ROBO2: variants seen among roughly 807,000 people sequenced by gnomAD.
The protein encoded by ROBO2 is roundabout guidance receptor 2, also known as roundabout homolog 2.
ROBO2 carries 53 observed loss-of-function variants against 160.8 expected under a neutral mutation model. The ratio of observed to expected loss-of-function variants is 0.33; its 90% CI spans 0.26 to 0.41. The LOEUF (loss-of-function observed/expected upper bound fraction) is 0.41. ROBO2 is among the 10% of genes least tolerant of loss of function. ROBO2 has a pLI of 1.00. For synonymous variants in ROBO2, 664 were observed against 611.7 expected, an observed-to-expected ratio of 1.09 and a Z score of -1.26; for missense variants, 1,577 against 1,722.4, an observed-to-expected ratio of 0.92 and a Z score of 1.49.
At chr3:76,926,875 A>G (rs1278355000) in intron 2 of ROBO2, among the ~76,000 whole-genome samples, 7 of 152,184 alleles carry the variant, frequency 4.6e-5, no homozygotes, top group Admixed American at 4.6e-4. Flanking sequence ...CAGTTCATTT[A>G]AAAACTGAAG....
intron 2 of ROBO2, among the ~76,000 whole-genome samples, chr3:77,460,705 T>TA (rs927731912): frequency 6.6e-5 from 10 of 151,360 alleles, no homozygotes; most frequent in South Asian, 4.2e-4. Context: ...CAGGGGAGAA[T>TA]AAAAAAAAAC....
intron 5 of ROBO2, among the ~76,000 whole-genome samples, chr3:77,519,342 T>C (rs554530484): frequency 8.6e-5 from 13 of 151,506 alleles, no homozygotes; most frequent in Admixed American, 2.6e-4. Flanking sequence ...AATAAAAACT[T>C]TTAATTTTTT....
intron 2 of ROBO2, among the ~76,000 whole-genome samples, chr3:77,389,739 C>T (rs2074515224): frequency 1.3e-5 from 2 of 150,220 alleles, no homozygotes; most frequent in African/African-American, 2.5e-5. Flanking sequence ...CTCTTTTTGA[C>T]CGAGTTCATT....
At chr3:77,577,545 C>T (rs774821977) in exon 15 of ROBO2, 1 of 1,613,340 alleles carries the variant, frequency 6.2e-7, no homozygotes, top group East Asian at 2.2e-5. Context: ...GCTACAATAG[C>T]ACAAGTATTA....
intron 2 of ROBO2, among the ~76,000 whole-genome samples, chr3:76,608,812 T>C (rs2087857253): frequency 1.3e-5 from 2 of 152,168 alleles, no homozygotes; most frequent in South Asian, 4.1e-4. Context: ...CACCTTGTAT[T>C]TTTTAAATTT....
intron 2 of ROBO2, among the ~76,000 whole-genome samples, chr3:76,463,418 T>C (rs1327612389): frequency 1.3e-5 from 2 of 152,110 alleles, no homozygotes; most frequent in Non-Finnish European, 2.9e-5. Context: ...ATGCTGCAGC[T>C]AATCCTAGGT....
At chr3:77,379,952 C>T (rs910231326) in intron 2 of ROBO2, among the ~76,000 whole-genome samples, 4 of 152,070 alleles carry the variant, frequency 2.6e-5, no homozygotes, top group Non-Finnish European at 5.9e-5. Flanking sequence ...TGCATACAGG[C>T]GGAGCATCTG....
At chr3:76,739,286 A>C (rs2093763474) in intron 2 of ROBO2, among the ~76,000 whole-genome samples, 2 of 152,182 alleles carry the variant, frequency 1.3e-5, no homozygotes, top group South Asian at 4.1e-4. Flanking sequence ...TACAGCATGG[A>C]ATACTATGCA....
chr3:77,423,757 C>G (rs141743402), intron 2 of ROBO2, among the ~76,000 whole-genome samples: 130 of 152,276 alleles, frequency 8.5e-4, no homozygotes, highest in African/African-American at 3.0e-3. Flanking sequence ...GACATTTTAT[C>G]ATATGTGATT....
chr3:76,728,602 C>T (rs2093587857), intron 2 of ROBO2, among the ~76,000 whole-genome samples: 1 of 152,114 alleles, frequency 6.6e-6, no homozygotes, highest in Non-Finnish European at 1.5e-5. Flanking sequence ...ATGCTAAAAA[C>T]TCATATATTA....
chr3:76,409,202 G>C lies in ROBO2; in HGVS notation c.109+471600G>C, dbSNP rs558360180. ...GACTCATGGAACTTTATATCCACTT[G>C]GAGGGTAAAATTGTAGGTATCAAGA... On this transcript the variant is annotated intron_variant, in intron 2 of 26. Coordinates refer to the ROBO2 transcript ENST00000487694. 2.0e-5 allele frequency among the ~76,000 whole-genome samples: 3 copies of C among 152,102 alleles called. No individual in the cohort carries two copies. The South Asian group carries it at 6.2e-4, about 32-fold the overall frequency.
intron 2 of ROBO2, among the ~76,000 whole-genome samples, chr3:76,411,559 T>C (rs1279645751): frequency 6.6e-6 from 1 of 152,154 alleles, no homozygotes; most frequent in African/African-American, 2.4e-5. Flanking sequence ...TTTTCTGCCA[T>C]AGTTCTTCAG....
chr3:76,442,556 C>G (rs894315809), intron 2 of ROBO2, among the ~76,000 whole-genome samples: 2 of 152,164 alleles, frequency 1.3e-5, no homozygotes, highest in Admixed American at 1.3e-4. Flanking sequence ...CCTTTATTCA[C>G]GGTTTCACTT....
At chr3:77,189,841 G>A (rs1372482691) in intron 2 of ROBO2, among the ~76,000 whole-genome samples, 1 of 151,756 alleles carries the variant, frequency 6.6e-6, no homozygotes, top group African/African-American at 2.4e-5. Context: ...AACACAGGCT[G>A]GTACTGTTTT....
At chr3:76,093,746 T>C (rs1387056035) in intron 2 of ROBO2, among the ~76,000 whole-genome samples, 1 of 151,976 alleles carries the variant, frequency 6.6e-6, no homozygotes, top group African/African-American at 2.4e-5. Context: ...TCTATAAATG[T>C]TTATATCAGA....
intron 2 of ROBO2, among the ~76,000 whole-genome samples, chr3:77,270,135 C>A (rs1277480006): frequency 6.6e-6 from 1 of 152,144 alleles, no homozygotes; most frequent in Non-Finnish European, 1.5e-5. Context: ...TGAGTTCATA[C>A]TCCTTAGAAG....
intron 2 of ROBO2, among the ~76,000 whole-genome samples, chr3:76,989,691 A>G (rs1035491936): frequency 1.3e-5 from 2 of 152,162 alleles, no homozygotes; most frequent in Non-Finnish European, 2.9e-5. Flanking sequence ...TCACCCTATT[A>G]CATTTCCATA....
chr3:77,291,925 G>T (rs1359455555), intron 2 of ROBO2, among the ~76,000 whole-genome samples: 3 of 151,426 alleles, frequency 2.0e-5, no homozygotes, highest in East Asian at 2.0e-4. Flanking sequence ...CAGACGTGAA[G>T]TAAAATTGAC....
At chr3:77,548,307 A>T (rs1420106031) in intron 7 of ROBO2, among the ~76,000 whole-genome samples, 1 of 152,058 alleles carries the variant, frequency 6.6e-6, no homozygotes, top group Non-Finnish European at 1.5e-5. Flanking sequence ...ACACAAACAA[A>T]GTTTAAATGA....
Sources: allele counts gnomAD v4.1 joint callset (sites outside exome capture counted in the v4.1 genomes callset), GRCh38; gene constraint gnomAD v4.1.1; transcripts MANE v1.5; gene names NCBI Gene and HGNC (gene_info 2026-07-23, HGNC 2026-07-21).